The following MACROD2 variants were observed in gnomAD, a reference collection of about 807,000 sequenced individuals.
MACROD2 encodes mono-ADP ribosylhydrolase 2.
MACROD2 carries 36 observed loss-of-function variants against 70.4 expected under a neutral mutation model. The ratio of observed to expected loss-of-function variants is 0.51; its 90% CI spans 0.39 to 0.68. The LOEUF is 0.68. Ranked by LOEUF, MACROD2 falls within the 30% of genes least tolerant of loss-of-function variation. The pLI, the probability that MACROD2 is intolerant of heterozygous loss-of-function variation, is 0.00. For missense variants in MACROD2, 496 were observed against 538.4 expected, an observed-to-expected ratio of 0.92 and a Z score of 0.78; for synonymous variants, 172 against 178.8, an observed-to-expected ratio of 0.96 and a Z score of 0.30.
intron 6 of MACROD2, among the ~76,000 whole-genome samples, chr20:15,380,022 G>A (rs79604468): frequency 2.7e-3 from 379 of 142,692 alleles, no homozygotes; most frequent in African/African-American, 9.3e-3. Context: ...CTTGGGTCCT[G>A]TTGTTCCCTT....
intron 8 of MACROD2, among the ~76,000 whole-genome samples, chr20:15,643,917 G>T (rs1262789803): frequency 6.6e-6 from 1 of 152,130 alleles, no homozygotes; most frequent in Non-Finnish European, 1.5e-5. Flanking sequence ...GCCACTAGGG[G>T]TCCAGCCATC....
At chr20:14,991,526 T>C (rs2074904014) in intron 5 of MACROD2, among the ~76,000 whole-genome samples, 1 of 152,200 alleles carries the variant, frequency 6.6e-6, no homozygotes, top group African/African-American at 2.4e-5. Context: ...ACTGAGGCTG[T>C]AAAAGACAAT....
chr20:14,055,848 A>G (rs968115255), intron 2 of MACROD2, among the ~76,000 whole-genome samples: 18 of 152,046 alleles, frequency 1.2e-4, no homozygotes, highest in African/African-American at 3.6e-4. Flanking sequence ...GAGGTCAGGT[A>G]TCATGTTTGG....
intron 8 of MACROD2, among the ~76,000 whole-genome samples, chr20:15,793,564 G>C (rs2063645363): frequency 6.6e-6 from 1 of 151,766 alleles, no homozygotes; most frequent in South Asian, 2.1e-4. Context: ...AAGCCATACT[G>C]TTAAAAAAAA....
intron 8 of MACROD2, among the ~76,000 whole-genome samples, chr20:15,744,826 T>A (rs1050821599): frequency 2.0e-5 from 3 of 152,172 alleles, no homozygotes; most frequent in African/African-American, 7.2e-5. Context: ...GCAACTTTTT[T>A]TAAAATTTTT....
At chr20:15,852,601 G>A (rs2147149419) in intron 8 of MACROD2, among the ~76,000 whole-genome samples, 1 of 152,198 alleles carries the variant, frequency 6.6e-6, no homozygotes, top group South Asian at 2.1e-4. Context: ...AATGATATTC[G>A]GTGACATTTG....
intron 5 of MACROD2, among the ~76,000 whole-genome samples, chr20:15,195,278 A>G (rs2076598174): frequency 1.3e-5 from 2 of 152,204 alleles, no homozygotes; most frequent in African/African-American, 2.4e-5. Flanking sequence ...AAAAGAAACT[A>G]TGATCAGAGT....
At chr20:14,968,232 C>T (rs1161801721) in intron 5 of MACROD2, among the ~76,000 whole-genome samples, 1 of 152,008 alleles carries the variant, frequency 6.6e-6, no homozygotes, top group African/African-American at 2.4e-5. Flanking sequence ...TTTTTAACAC[C>T]TTGACCCAAT....
chr20:15,375,473 C>A (rs1316956904), intron 6 of MACROD2, among the ~76,000 whole-genome samples: 1 of 152,034 alleles, frequency 6.6e-6, no homozygotes, highest in Non-Finnish European at 1.5e-5. Context: ...CGAATAAGAA[C>A]AACCTTGGGA....
chr20:15,239,878 G>A (rs895980398), intron 6 of MACROD2, among the ~76,000 whole-genome samples: 1 of 152,212 alleles, frequency 6.6e-6, no homozygotes, highest in Admixed American at 6.5e-5. Flanking sequence ...CAATGGTGAT[G>A]TGGTTATGAG....
At chr20:15,003,167 C>T (rs528776449) in intron 5 of MACROD2, among the ~76,000 whole-genome samples, 33 of 152,260 alleles carry the variant, frequency 2.2e-4, no homozygotes, top group African/African-American at 7.2e-4. Flanking sequence ...TTCATGTCTT[C>T]CATATGGGCC....
At chr20:14,359,518 C>G (rs2083202825) in intron 3 of MACROD2, among the ~76,000 whole-genome samples, 2 of 152,172 alleles carry the variant, frequency 1.3e-5, no homozygotes, top group Non-Finnish European at 2.9e-5. Flanking sequence ...TGTGCACTCC[C>G]ATAGTCATTG....
chr20:15,699,975 A>G (rs73614451), intron 8 of MACROD2, among the ~76,000 whole-genome samples: 7,803 of 152,048 alleles, frequency 0.051, 308 homozygotes, highest in East Asian at 0.21. Flanking sequence ...CGACTCACTA[A>G]CTTGACTCAG....
chr20:15,260,362 C>T (rs944801245), intron 6 of MACROD2, among the ~76,000 whole-genome samples: 1 of 151,028 alleles, frequency 6.6e-6, no homozygotes, highest in Non-Finnish European at 1.5e-5. Context: ...TTTTTAGCTC[C>T]CACATATAAG....
intron 9 of MACROD2, among the ~76,000 whole-genome samples, chr20:15,869,113 C>A (rs1378738027): frequency 2.7e-5 from 4 of 149,546 alleles, no homozygotes; most frequent in African/African-American, 9.8e-5. Context: ...AATTTTTTAA[C>A]CATAAAAACA....
intron 8 of MACROD2, among the ~76,000 whole-genome samples, chr20:15,805,130 G>A (rs1019412559): frequency 1.3e-5 from 2 of 152,048 alleles, no homozygotes; most frequent in Admixed American, 1.3e-4. Context: ...TGTGTCTTTG[G>A]GGTCTGTCTC....
At chr20:15,670,195 C>A (rs766996730) in intron 8 of MACROD2, among the ~76,000 whole-genome samples, 2 of 152,176 alleles carry the variant, frequency 1.3e-5, no homozygotes, top group Non-Finnish European at 2.9e-5. Flanking sequence ...AATCGGAAAG[C>A]AACAGTTAAA....
At chr20:15,794,860 G>T (rs1412437575) in intron 8 of MACROD2, among the ~76,000 whole-genome samples, 2 of 152,140 alleles carry the variant, frequency 1.3e-5, no homozygotes, top group African/African-American at 4.8e-5. Context: ...ACTAACGCCT[G>T]ATTAGCTATG....
chr20:15,391,919 A>C (rs1327268393), intron 6 of MACROD2, among the ~76,000 whole-genome samples: 1 of 151,994 alleles, frequency 6.6e-6, no homozygotes, highest in Non-Finnish European at 1.5e-5. Context: ...GAGGTTATCA[A>C]ACTATTATTT....
Sources: gnomAD v4.1 joint callset for allele counts (sites outside exome capture counted in the v4.1 genomes callset) on GRCh38, gnomAD v4.1.1 for gene constraint, MANE v1.5 for transcripts, NCBI Gene and HGNC (gene_info 2026-07-23, HGNC 2026-07-21) for gene names.